The following SIMC1 variants were observed in gnomAD, a reference collection of about 807,000 sequenced individuals.
The protein encoded by SIMC1 is SUMO interacting motifs containing 1, also known as SUMO-interacting motif-containing protein 1.
SIMC1 carries 55 observed loss-of-function variants against 82.3 expected under a neutral mutation model. The observed-to-expected ratio is 0.67, with a 90% confidence interval of 0.54 to 0.84. The LOEUF is 0.84. SIMC1 is among the 40% of genes least tolerant of loss of function. The pLI, the probability that SIMC1 is intolerant of heterozygous loss-of-function variation, is 0.00. For missense variants in SIMC1, 915 were observed against 1,107.2 expected (o/e 0.83, Z 2.46); for synonymous variants, 353 against 426.3 (o/e 0.83, Z 2.12).
chr5:176,255,721 TA>T (rs202176692), intron 1 of SIMC1, among the ~76,000 whole-genome samples: 37 of 130,796 alleles, frequency 2.8e-4, no homozygotes, highest in East Asian at 6.4e-4. Flanking sequence ...TGAGTACTCC[TA>T]AAAAAAAAAA....
intron 1 of SIMC1, among the ~76,000 whole-genome samples, chr5:176,269,857 C>T (rs1581232983): frequency 6.6e-6 from 1 of 152,236 alleles, no homozygotes; most frequent in Non-Finnish European, 1.5e-5. Flanking sequence ...GCCGTCCTCC[C>T]TTCTGAGCCT....
chr5:176,249,689 A>G (rs1466135694), intron 1 of SIMC1, among the ~76,000 whole-genome samples: 1 of 151,768 alleles, frequency 6.6e-6, no homozygotes, highest in Admixed American at 6.6e-5. Context: ...AAATACAAAA[A>G]CAAAATTAGC....
chr5:176,280,138 C>T (rs921117819), intron 1 of SIMC1, among the ~76,000 whole-genome samples: 5 of 152,100 alleles, frequency 3.3e-5, no homozygotes, highest in Non-Finnish European at 4.4e-5. Flanking sequence ...TCAGGACTTG[C>T]TTTATGAATC....
chr5:176,246,757 CT>C (rs1181501398), intron 1 of SIMC1, among the ~76,000 whole-genome samples: 4 of 152,036 alleles, frequency 2.6e-5, no homozygotes, highest in African/African-American at 9.6e-5. Flanking sequence ...AATCCCTCCC[CT>C]AGCCCCCCAC....
At chr5:176,248,219 T>C (rs939296949) in intron 1 of SIMC1, among the ~76,000 whole-genome samples, 14 of 152,248 alleles carry the variant, frequency 9.2e-5, no homozygotes, top group African/African-American at 2.6e-4. Flanking sequence ...TTTCATGATA[T>C]TGATTCTTCC....
rs945171241 is a variant in SIMC1 at position 176,313,764 on chromosome 5, C to A, written c.1808C>A (p.Thr603Asn). 6.2e-7 allele frequency: 1 copy of A among 1,613,846 alleles called. No homozygotes were observed. The highest frequency in any genetic ancestry group is 8.5e-7 in the Non-Finnish European group (1 of 1,179,884). The change falls in exon 5 of 10, where the codon ACC (threonine) becomes AAC (asparagine). Residue 603 changes from threonine (T) to asparagine (N), a missense_variant. By Grantham distance (65) the Thr-to-Asn change is moderately conservative. Around this residue, in one of 2 missense-constraint regions of SIMC1, gnomAD observed 902 missense variants for 1,040.3 expected, o/e 0.87. Transcript: ENST00000429602. ...VQTLEDDFQQ[T>N]LRRQRQHLQQ... ...ACCCTAGAAGATGACTTTCAGCAGA[C>A]CCTGAGGAGGCAACGGCAGCACCTG...
At chr5:176,269,406 T>C (rs200565865) in intron 1 of SIMC1, among the ~76,000 whole-genome samples, 1 of 152,256 alleles carries the variant, frequency 6.6e-6, no homozygotes, top group Non-Finnish European at 1.5e-5. Flanking sequence ...TTTATGCCAA[T>C]AAATTTGATA....
intron 1 of SIMC1, among the ~76,000 whole-genome samples, chr5:176,253,582 T>C (rs1455295752): frequency 6.6e-6 from 1 of 152,132 alleles, no homozygotes; most frequent in Admixed American, 6.5e-5. Context: ...CATTCCATGT[T>C]GTAGGGAGTC....
chr5:176,247,413 G>A (rs1761487688), intron 1 of SIMC1, among the ~76,000 whole-genome samples: 1 of 152,108 alleles, frequency 6.6e-6, no homozygotes, highest in African/African-American at 2.4e-5. Flanking sequence ...CTTCTTTTAA[G>A]AAGTGTCTGT....
chr5:176,307,885 CTAGA>C (rs1764496117), intron 4 of SIMC1, among the ~76,000 whole-genome samples: 1 of 152,128 alleles, frequency 6.6e-6, no homozygotes, highest in Non-Finnish European at 1.5e-5. Context: ...TATTCCAATT[CTAGA>C]TATAGACCCA....
At chr5:176,264,032 A>G (rs1186342708) in intron 1 of SIMC1, among the ~76,000 whole-genome samples, 1 of 152,218 alleles carries the variant, frequency 6.6e-6, no homozygotes, top group Non-Finnish European at 1.5e-5. Context: ...TAAAGCTCCA[A>G]AATAATCTCC....
chr5:176,311,707 A>G (rs1764672612), intron 4 of SIMC1, among the ~76,000 whole-genome samples: 1 of 152,228 alleles, frequency 6.6e-6, no homozygotes, highest in African/African-American at 2.4e-5. Context: ...CAAGAAAGGA[A>G]TGATTTTCTT....
intron 1 of SIMC1, among the ~76,000 whole-genome samples, chr5:176,280,650 G>A (rs1348501542): frequency 6.6e-6 from 1 of 151,960 alleles, no homozygotes; most frequent in Admixed American, 6.6e-5. Flanking sequence ...AAATCTCTCA[G>A]CATTTGCTTC....
At chr5:176,327,935 C>T (rs1348826581) in intron 7 of SIMC1, among the ~76,000 whole-genome samples, 3 of 152,158 alleles carry the variant, frequency 2.0e-5, no homozygotes, top group African/African-American at 2.4e-5. Flanking sequence ...AATAAAAACC[C>T]TACTTGGTTG....
chr5:176,279,459 G>A (rs946301691), intron 1 of SIMC1, among the ~76,000 whole-genome samples: 1 of 151,808 alleles, frequency 6.6e-6, no homozygotes, highest in Non-Finnish European at 1.5e-5. Context: ...AGGGTTTTTT[G>A]TGTCTCTATT....
intron 1 of SIMC1, among the ~76,000 whole-genome samples, chr5:176,279,867 A>G (rs1581246758): frequency 6.6e-6 from 1 of 151,926 alleles, no homozygotes; most frequent in East Asian, 1.9e-4. Context: ...GTTCTTTTAC[A>G]TTTTCTGAGG....
chr5:176,261,152 A>G (rs1253517960), intron 1 of SIMC1: 5 of 152,272 alleles, frequency 3.3e-5, no homozygotes, highest in East Asian at 3.9e-4. Context: ...GATTACAGGT[A>G]TACGCCACCA....
At chr5:176,258,762 A>G (rs1162288788) in intron 1 of SIMC1, among the ~76,000 whole-genome samples, 1 of 150,834 alleles carries the variant, frequency 6.6e-6, no homozygotes, top group East Asian at 2.0e-4. Context: ...ATCAGATGTG[A>G]AATTAACTTG....
Position 176,344,984 on chromosome 5 carries a change from C to A in SIMC1, c.2414-199C>A, listed in dbSNP as rs191044462. Among the ~76,000 whole-genome samples the A allele has an allele frequency of 5.8e-3, 885 of 151,938 alleles. 5 individuals carry two copies. Among genetic ancestry groups the A allele is most frequent in the Non-Finnish European group, 9.3e-3 (632 of 67,972 alleles). On this transcript the variant is annotated intron_variant, in intron 9 of 9. Coordinates refer to ENST00000429602, the MANE Select transcript of SIMC1 (RefSeq NM_001308195.2). ...CCATATCACTTTTTTTAATGTAAAA[C>A]TTCTTAAGGACCCGAGAGAACTGAG...
Sources: allele counts gnomAD v4.1 joint callset (sites outside exome capture counted in the v4.1 genomes callset), GRCh38; gene constraint gnomAD v4.1.1; regional missense constraint gnomAD v4.1.1; transcripts MANE v1.5; gene names NCBI Gene and HGNC (gene_info 2026-07-23, HGNC 2026-07-21).